Variants in CCDC122 observed in about 807,000 individuals in gnomAD.
CCDC122 encodes the protein coiled-coil domain containing 122, also known as coiled-coil domain-containing protein 122.
Under a neutral mutation model 37.0 loss-of-function variants are expected in CCDC122, and 38 were observed. That is an observed-to-expected ratio of 1.03 (90% CI 0.79 to 1.35). The LOEUF is 1.35. CCDC122 is among the 40% of genes most tolerant of loss of function. The pLI is 0.00. For missense variants in CCDC122, 305 were observed against 310.0 expected (o/e 0.98, Z 0.12); for synonymous variants, 83 against 95.6 (o/e 0.87, Z 0.77).
At chr13:43,820,203 A>C (rs565208928), downstream of CCDC122, among the ~76,000 whole-genome samples, 9 of 152,308 alleles carry the variant, frequency 5.9e-5, no homozygotes, top group South Asian at 6.2e-4. Flanking sequence ...ATTTACTTAT[A>C]AGTCCAAAAA....
chr13:43,868,269 AG>A (rs1446916113), intron 4 of CCDC122, among the ~76,000 whole-genome samples: 2 of 152,124 alleles, frequency 1.3e-5, no homozygotes, highest in East Asian at 3.8e-4. Flanking sequence ...AATTCCCTGC[AG>A]TAGGATTATC....
chr13:43,856,591 C>G (rs1175017677), intron 6 of CCDC122: 1 of 168,656 alleles, frequency 5.9e-6, no homozygotes, highest in Non-Finnish European at 1.3e-5. Flanking sequence ...GATTGCACTA[C>G]TGCACTCTAG....
At chr13:43,839,628 A>G (rs970276083) in intron 6 of CCDC122, among the ~76,000 whole-genome samples, 5 of 151,852 alleles carry the variant, frequency 3.3e-5, no homozygotes, top group African/African-American at 1.2e-4. Context: ...TTACTGGGTC[A>G]TGTGGTAACT....
intron 4 of CCDC122, among the ~76,000 whole-genome samples, chr13:43,865,645 A>G (rs1465771609): frequency 6.6e-6 from 1 of 152,120 alleles, no homozygotes; most frequent in Non-Finnish European, 1.5e-5. Flanking sequence ...TTGTATTTTT[A>G]GTAGAGACAG....
At chr13:43,851,648 G>T (rs1178728952) in intron 6 of CCDC122, among the ~76,000 whole-genome samples, 2 of 152,178 alleles carry the variant, frequency 1.3e-5, no homozygotes, top group African/African-American at 4.8e-5. Flanking sequence ...GCTGCTGCTG[G>T]CATGCACAAA....
chr13:43,867,225 G>T (rs913174349), intron 4 of CCDC122, among the ~76,000 whole-genome samples: 1 of 151,938 alleles, frequency 6.6e-6, no homozygotes, highest in Non-Finnish European at 1.5e-5. Flanking sequence ...TCTGTCAAAT[G>T]CTCATCAACT....
chr13:43,866,347 G>C (rs1265158988), intron 4 of CCDC122, among the ~76,000 whole-genome samples: 1 of 152,180 alleles, frequency 6.6e-6, no homozygotes, highest in South Asian at 2.1e-4. Context: ...GGTTGTTAGT[G>C]TTAGAAAATG....
At chr13:43,837,754 T>C (rs945474516) in intron 6 of CCDC122, among the ~76,000 whole-genome samples, 6 of 152,120 alleles carry the variant, frequency 3.9e-5, no homozygotes, top group African/African-American at 1.4e-4. Context: ...TAGCAAGTGA[T>C]GGAGTTTGGG....
intron 3 of CCDC122, among the ~76,000 whole-genome samples, chr13:43,825,441 C>T (rs958863708): frequency 6.7e-6 from 1 of 149,058 alleles, no homozygotes; most frequent in Non-Finnish European, 1.5e-5. Context: ...ATGCTGGGTA[C>T]ACACAGACAT....
At chr13:43,846,074 C>A (rs573728731) in intron 6 of CCDC122, among the ~76,000 whole-genome samples, 2 of 150,056 alleles carry the variant, frequency 1.3e-5, no homozygotes, top group Admixed American at 1.3e-4. Context: ...TCATATTTTT[C>A]TTTTTTCTTT....
At chr13:43,843,547 C>A (rs1953425045) in intron 6 of CCDC122, among the ~76,000 whole-genome samples, 1 of 151,822 alleles carries the variant, frequency 6.6e-6, no homozygotes, top group Non-Finnish European at 1.5e-5. Flanking sequence ...AATTTTGTTT[C>A]TTTTTGTATC....
Position 43,869,454 on chromosome 13 carries a change from T to C in CCDC122, c.-78A>G. 8.1e-7 allele frequency: 1 copy of C among 1,232,404 alleles called. No homozygotes were observed. Among genetic ancestry groups the C allele is most frequent in the Non-Finnish European group, 1.1e-6 (1 of 869,856 alleles). 76.3% of individuals were successfully genotyped at this position (1,232,404 alleles called of 1,614,324 possible). Reference sequence around the variant, plus strand: ...ACTCAATAATCTATATTGATAATCTTTCACTTTTGTTTTTTCCTGTTGTAT... The same window carrying C: ...ACTCAATAATCTATATTGATAATCTCTCACTTTTGTTTTTTCCTGTTGTAT... On this transcript the variant is annotated 5_prime_UTR_variant, in exon 3 of 7. Coordinates refer to ENST00000444614, the MANE Select transcript of CCDC122 (RefSeq NM_144974.5).
intron 3 of CCDC122, among the ~76,000 whole-genome samples, chr13:43,829,419 C>T (rs536013772): frequency 6.6e-6 from 1 of 152,254 alleles, no homozygotes; most frequent in Non-Finnish European, 1.5e-5. Context: ...GATTCTCCTG[C>T]CTCAGCCTCC....
At chr13:43,828,597 CACGT>C (rs1201319525) in intron 3 of CCDC122, among the ~76,000 whole-genome samples, 4 of 131,928 alleles carry the variant, frequency 3.0e-5, no homozygotes, top group Admixed American at 7.7e-5. Flanking sequence ...CACACACACA[CACGT>C]GTCTTTCTTG....
At chr13:43,834,858 G>C (rs57312917), downstream of CCDC122, among the ~76,000 whole-genome samples, 12,166 of 151,998 alleles carry the variant, frequency 0.08, 524 homozygotes, top group Middle Eastern at 0.12. Flanking sequence ...TTACACTGTT[G>C]GTGGGACTGT....
intron 1 of CCDC122, chr13:43,877,660 AG>A (rs1180374244): frequency 1.3e-5 from 2 of 152,194 alleles, no homozygotes; most frequent in Admixed American, 6.5e-5. Flanking sequence ...TATAAAAAGG[AG>A]GGTATTTTGC....
intron 6 of CCDC122, among the ~76,000 whole-genome samples, chr13:43,842,424 T>TA (rs1370738640): frequency 6.6e-6 from 1 of 152,080 alleles, no homozygotes; most frequent in East Asian, 1.9e-4. Flanking sequence ...AGTTACTTCA[T>TA]AATTATAGCT....
At chr13:43,865,569 A>G (rs1182741785) in intron 4 of CCDC122, among the ~76,000 whole-genome samples, 1 of 152,210 alleles carries the variant, frequency 6.6e-6, no homozygotes, top group Non-Finnish European at 1.5e-5. Context: ...ATACTATAAT[A>G]AAAGTTATGT....
downstream of CCDC122, among the ~76,000 whole-genome samples, chr13:43,834,903 G>A (rs1174498919): frequency 1.3e-5 from 2 of 152,192 alleles, no homozygotes; most frequent in East Asian, 1.9e-4. Flanking sequence ...TCAGTGTGGC[G>A]ATTCCTCAGG....
Sources: allele counts gnomAD v4.1 joint callset (sites outside exome capture counted in the v4.1 genomes callset), GRCh38; gene constraint gnomAD v4.1.1; transcripts MANE v1.5; gene names NCBI Gene and HGNC (gene_info 2026-07-23, HGNC 2026-07-21).